Variants in TBC1D22A observed in about 807,000 individuals in gnomAD.
TBC1D22A encodes the protein putative GTPase activator.
A neutral mutation model predicts 60.2 loss-of-function variants in TBC1D22A; 38 were observed. The observed-to-expected ratio is 0.63, with a 90% confidence interval of 0.49 to 0.83. TBC1D22A has a LOEUF of 0.83. TBC1D22A is among the 40% of genes least tolerant of loss of function. The probability of loss-of-function intolerance (pLI) is 0.00; values close to 1 mark genes in which losing one functional copy is unlikely to be tolerated. For synonymous variants in TBC1D22A, 302 were observed against 281.7 expected, an observed-to-expected ratio of 1.07 and a Z score of -0.72; for missense variants, 628 against 701.0, an observed-to-expected ratio of 0.90 and a Z score of 1.18.
rs575201075 is a variant in TBC1D22A, at chr22:46,836,031, G to A, written c.637+38411G>A. Among the ~76,000 whole-genome samples the A allele has an allele frequency of 3.9e-5, 6 of 152,274 alleles. No homozygotes were observed. The South Asian group carries it at 1.2e-3, about 32-fold the overall frequency. ...CAAGAGTTTCCCAGACGAAAGTGGT[G>A]GAGATTCATTACTGCTAGACCTGCT... On this transcript the variant is annotated intron_variant, in intron 4 of 12. Transcript: ENST00000337137.
chr22:47,048,929 G>C (rs140540), intron 11 of TBC1D22A, among the ~76,000 whole-genome samples: 104,548 of 151,960 alleles, frequency 0.69, 36,512 homozygotes, highest in East Asian at 0.92. Context: ...CTGGTGTAGC[G>C]TGGTAATGAC....
chr22:46,897,652 G>GTTTTTTTTTTTTTTTT (rs34529641), intron 7 of TBC1D22A, among the ~76,000 whole-genome samples: 3 of 111,510 alleles, frequency 2.7e-5, no homozygotes, highest in African/African-American at 3.9e-5. Context: ...TTTTTTTTGT[G>GTTTTTTTTTTTTTTTT]TTTTTTTTTT....
intron 5 of TBC1D22A, among the ~76,000 whole-genome samples, chr22:46,881,515 G>C (rs1056596529): frequency 1.5e-4 from 23 of 152,194 alleles, no homozygotes; most frequent in African/African-American, 4.8e-4. Context: ...AGTGCTTGCC[G>C]TGCGTCAGAC....
At chr22:47,095,503 GC>G (rs964038044) in intron 11 of TBC1D22A, among the ~76,000 whole-genome samples, 17 of 152,300 alleles carry the variant, frequency 1.1e-4, no homozygotes, top group African/African-American at 4.1e-4. Context: ...TAAGTAATTT[GC>G]ATTTAATCTT....
At chr22:46,949,547 C>T (rs1027802755) in intron 8 of TBC1D22A, among the ~76,000 whole-genome samples, 1 of 151,966 alleles carries the variant, frequency 6.6e-6, no homozygotes, top group African/African-American at 2.4e-5. Flanking sequence ...GGCAGTTATT[C>T]CTACTCGTTT....
chr22:47,006,192 A>G (rs1010505602), intron 10 of TBC1D22A, among the ~76,000 whole-genome samples: 14 of 152,156 alleles, frequency 9.2e-5, no homozygotes, highest in African/African-American at 3.4e-4. Flanking sequence ...GTGTCAGAGG[A>G]GGGTCACCCT....
chr22:46,814,727 A>G (rs1324182022), intron 4 of TBC1D22A, among the ~76,000 whole-genome samples: 1 of 151,512 alleles, frequency 6.6e-6, no homozygotes. Flanking sequence ...GCTCACTGCA[A>G]CCTCCGCCTC....
chr22:47,157,793 G>A (rs1272837597), intron 12 of TBC1D22A, among the ~76,000 whole-genome samples: 2 of 152,202 alleles, frequency 1.3e-5, no homozygotes, highest in South Asian at 2.1e-4. Context: ...CAGGACAGTG[G>A]GGATCTGTCT....
Position 47,057,879 on chromosome 22 carries a change from G to A in TBC1D22A, c.1329+20681G>A, listed in dbSNP as rs114949683. Among the ~76,000 whole-genome samples the A allele has an allele frequency of 2.4e-3, 369 of 152,322 alleles. 1 individual carries two copies. Among genetic ancestry groups the A allele is most frequent in the African/African-American group, 8.5e-3 (354 of 41,574 alleles). On this transcript the variant is annotated intron_variant, in intron 11 of 12. Transcript: ENST00000337137. ...AAAATGGTTACCCCTGCCCCATGGGGGTTTATAAGGTGAAATGCAACTACA... is the reference window on the plus strand; with the variant it reads ...AAAATGGTTACCCCTGCCCCATGGGAGTTTATAAGGTGAAATGCAACTACA...
intron 1 of TBC1D22A, among the ~76,000 whole-genome samples, chr22:46,781,774 G>A (rs73475030): frequency 0.014 from 2,172 of 152,270 alleles, 54 homozygotes; most frequent in African/African-American, 0.044. Flanking sequence ...GGCCTCTCCT[G>A]TCGTGGGTTA....
intron 9 of TBC1D22A, among the ~76,000 whole-genome samples, chr22:46,977,837 C>T (rs185668509): frequency 1.1e-4 from 16 of 152,270 alleles, no homozygotes; most frequent in African/African-American, 3.4e-4. Flanking sequence ...AGCGACGCAG[C>T]GCTAGCAGGG....
intron 5 of TBC1D22A, among the ~76,000 whole-genome samples, chr22:46,887,396 T>C (rs1280901613): frequency 6.6e-6 from 1 of 152,232 alleles, no homozygotes; most frequent in African/African-American, 2.4e-5. Flanking sequence ...TTGAAAATTC[T>C]TTAGCAAAGT....
chr22:46,852,496 C>T lies in TBC1D22A; in HGVS notation c.638-26157C>T, dbSNP rs369432017. Among the ~76,000 whole-genome samples, 20 of 152,300 alleles carry T rather than the reference C, an allele frequency of 1.3e-4. No individual in the cohort carries two copies. In the South Asian group the frequency reaches 2.1e-3, roughly 16 times the overall value. The stretch of plus-strand genomic sequence containing the variant: ...CCCTCTGTATTTGGGATCCTGATAA[C>T]GTTTGTCCGAATCTCAGTGGCGTGA... On this transcript the variant is annotated intron_variant, in intron 4 of 12. Coordinates refer to ENST00000337137, the MANE Select transcript of TBC1D22A (RefSeq NM_014346.5).
intron 12 of TBC1D22A, among the ~76,000 whole-genome samples, chr22:47,147,628 C>A (rs1287402492): frequency 6.6e-6 from 1 of 152,242 alleles, no homozygotes; most frequent in Non-Finnish European, 1.5e-5. Flanking sequence ...TCCATCCATA[C>A]GTTGGTCGCA....
intron 11 of TBC1D22A, among the ~76,000 whole-genome samples, chr22:47,104,777 C>G (rs1000829928): frequency 6.6e-6 from 1 of 151,852 alleles, no homozygotes; most frequent in Non-Finnish European, 1.5e-5. Flanking sequence ...TTCAAAAGAA[C>G]CTTGGTCTCC....
intron 10 of TBC1D22A, among the ~76,000 whole-genome samples, chr22:47,036,191 A>T (rs925743775): frequency 6.6e-6 from 1 of 152,094 alleles, no homozygotes; most frequent in African/African-American, 2.4e-5. Flanking sequence ...AAAACCAAGG[A>T]TCCACTATCC....
At chr22:46,797,310 A>G in intron 3 of TBC1D22A, 134 bp from the exon 4 acceptor site, 1 of 945,008 alleles carries the variant, frequency 1.1e-6, no homozygotes, top group East Asian at 2.5e-5. Context: ...TGCTCAAGAA[A>G]CCAAGGTCCC....
At chr22:47,010,276 C>G (rs536697901) in intron 10 of TBC1D22A, among the ~76,000 whole-genome samples, 5 of 152,134 alleles carry the variant, frequency 3.3e-5, no homozygotes, top group East Asian at 3.9e-4. Flanking sequence ...AGTAAGCAGC[C>G]GAGAAGCAGA....
In TBC1D22A at chr22:47,028,093, C is replaced by T. The variant is rs2062322346; in HGVS notation, c.1202-8978C>T. 2.0e-5 allele frequency among the ~76,000 whole-genome samples: 3 copies of T among 152,190 alleles called. No individual in the cohort carries two copies. ...TGTGCTGAGTAGCTCGTGTGCACGT[C>T]TGTGAGGTGAAAATGATTTAATACC... On this transcript the variant is annotated intron_variant, in intron 10 of 12. Coordinates refer to ENST00000337137, the MANE Select transcript of TBC1D22A (RefSeq NM_014346.5). The surrounding 1 kb of genome is among the most constrained non-coding windows in gnomAD (Gnocchi z 4.4).
Sources: gnomAD v4.1 joint callset for allele counts (sites outside exome capture counted in the v4.1 genomes callset) on GRCh38, gnomAD v4.1.1 for gene constraint, Gnocchi (gnomAD v3.1) non-coding constraint, MANE v1.5 for transcripts, NCBI Gene and HGNC (gene_info 2026-07-23, HGNC 2026-07-21) for gene names.